Variants in CPNE4 observed in about 807,000 individuals in gnomAD.
CPNE4 encodes the protein copine 4, also known as copine-4.
CPNE4 carries 25 observed loss-of-function variants against 67.9 expected under a neutral mutation model. The observed-to-expected ratio is 0.37, with a 90% CI of 0.27 to 0.51. CPNE4 has a LOEUF of 0.51. Ranked by LOEUF, CPNE4 falls within the 20% of genes least tolerant of loss-of-function variation. The pLI is 0.93. For synonymous variants in CPNE4, 242 were observed against 244.9 expected (o/e 0.99, Z 0.11); for missense variants, 464 against 690.8 (o/e 0.67, Z 3.68).
intron 1 of CPNE4, among the ~76,000 whole-genome samples, chr3:131,974,844 C>A (rs1485024424): frequency 1.3e-5 from 2 of 151,994 alleles, no homozygotes; most frequent in African/African-American, 4.8e-5. Flanking sequence ...CCTGTCTCTA[C>A]AAACAGTACA....
chr3:131,639,942 T>G (rs2079497175), intron 7 of CPNE4, among the ~76,000 whole-genome samples: 1 of 152,180 alleles, frequency 6.6e-6, no homozygotes, highest in Non-Finnish European at 1.5e-5. Context: ...TAAAAAGCAT[T>G]TGACAAAATC....
At chr3:132,037,785 G>C (rs751558071), upstream of CPNE4, 16 of 567,190 alleles carry the variant, frequency 2.8e-5, no homozygotes, top group Non-Finnish European at 3.1e-6. Context: ...CCATCAGTGT[G>C]ACAAGTGAAA....
upstream of CPNE4, among the ~76,000 whole-genome samples, chr3:132,038,507 G>T (rs1356991678): frequency 1.3e-5 from 2 of 152,120 alleles, no homozygotes; most frequent in East Asian, 1.9e-4. Context: ...TTCTTTCTGA[G>T]ATTTTACATT....
intron 2 of CPNE4, among the ~76,000 whole-genome samples, chr3:131,815,760 A>T (rs1056833631): frequency 6.6e-6 from 1 of 152,112 alleles, no homozygotes; most frequent in Admixed American, 6.5e-5. Flanking sequence ...TTCTTTTTAT[A>T]CTGGGGAAAG....
chr3:131,987,120 G>A (rs1218263249), intron 1 of CPNE4, among the ~76,000 whole-genome samples: 1 of 152,100 alleles, frequency 6.6e-6, no homozygotes, highest in Non-Finnish European at 1.5e-5. Flanking sequence ...GTGATTTGTG[G>A]GTGATTTGTG....
At chr3:131,675,092 C>G (rs1397927287) in intron 6 of CPNE4, among the ~76,000 whole-genome samples, 1 of 152,010 alleles carries the variant, frequency 6.6e-6, no homozygotes, top group Non-Finnish European at 1.5e-5. Context: ...GAGCATATTG[C>G]TTGATTTCCA....
chr3:131,871,037 G>T (rs967011923), intron 2 of CPNE4, among the ~76,000 whole-genome samples: 1 of 152,114 alleles, frequency 6.6e-6, no homozygotes, highest in African/African-American at 2.4e-5. Flanking sequence ...CACTTTAGTA[G>T]TCCATGGAGA....
intron 7 of CPNE4, among the ~76,000 whole-genome samples, chr3:131,594,522 T>A (rs1427358750): frequency 6.6e-6 from 1 of 152,132 alleles, no homozygotes; most frequent in Non-Finnish European, 1.5e-5. Flanking sequence ...GACCTATACC[T>A]TATATCACAC....
chr3:131,972,311 G>T (rs2072525012), intron 1 of CPNE4, among the ~76,000 whole-genome samples: 1 of 152,064 alleles, frequency 6.6e-6, no homozygotes, highest in Non-Finnish European at 1.5e-5. Flanking sequence ...ATAGTTCTCT[G>T]CCCGATGAAT....
intron 3 of CPNE4, among the ~76,000 whole-genome samples, chr3:131,709,709 A>T (rs2081511289): frequency 6.6e-6 from 1 of 152,220 alleles, no homozygotes; most frequent in African/African-American, 2.4e-5. Context: ...TTAGCAGCAA[A>T]ATGAAGAAAT....
intron 2 of CPNE4, among the ~76,000 whole-genome samples, chr3:131,773,280 AAT>A (rs2107837372): frequency 6.6e-6 from 1 of 152,292 alleles, no homozygotes; most frequent in East Asian, 1.9e-4. Flanking sequence ...GTTTTATTTT[AAT>A]AAATGTACAA....
intron 1 of CPNE4, among the ~76,000 whole-genome samples, chr3:131,998,732 A>G (rs1399793980): frequency 4.6e-5 from 7 of 152,202 alleles, no homozygotes; most frequent in Non-Finnish European, 7.4e-5. Context: ...AAGATGGGTA[A>G]GGTTTTAGCC....
intron 1 of CPNE4, among the ~76,000 whole-genome samples, chr3:131,919,073 GC>G (rs1224606658): frequency 6.6e-6 from 1 of 152,140 alleles, no homozygotes; most frequent in Non-Finnish European, 1.5e-5. Flanking sequence ...CAGAGTTCCA[GC>G]TCTAGCCTGG....
intron 1 of CPNE4, among the ~76,000 whole-genome samples, chr3:132,021,950 A>G (rs1397202343): frequency 6.6e-6 from 1 of 152,178 alleles, no homozygotes; most frequent in African/African-American, 2.4e-5. Context: ...ACCAAGAACC[A>G]GGCCTCCCAA....
rs577675453 is a variant in CPNE4 at position 131,876,888 on chromosome 3, G to A, written c.180+28376C>T. On this transcript the variant is annotated intron_variant, in intron 2 of 15. Coordinates refer to ENST00000429747, the MANE Select transcript of CPNE4 (RefSeq NM_130808.3). ...GAAGATGCACCAGCACCAGCACAGG[G>A]AATTATCTATTTTTCCAAAACCATT... 3.5e-3 allele frequency among the ~76,000 whole-genome samples: 536 copies of A among 152,152 alleles called. 5 individuals carry two copies. The highest frequency in any genetic ancestry group is 0.012 in the African/African-American group (500 of 41,526).
At chr3:131,770,519 A>G (rs1379970009) in intron 2 of CPNE4, among the ~76,000 whole-genome samples, 1 of 152,212 alleles carries the variant, frequency 6.6e-6, no homozygotes, top group South Asian at 2.1e-4. Flanking sequence ...GCTAGCAACC[A>G]GGGGAGACAA....
intron 2 of CPNE4, among the ~76,000 whole-genome samples, chr3:131,858,908 T>G (rs1317178378): frequency 6.6e-6 from 1 of 152,118 alleles, no homozygotes; most frequent in Non-Finnish European, 1.5e-5. Flanking sequence ...GCAGTGCTTT[T>G]AGGAAGCTTT....
rs564381109 is a variant in CPNE4 at position 131,776,662 on chromosome 3, A to T, written c.181-53037T>A. 6.6e-5 allele frequency among the ~76,000 whole-genome samples: 10 copies of T among 152,292 alleles called. No homozygotes were observed. In the East Asian group the frequency reaches 1.7e-3, roughly 26 times the overall value. Reference sequence around the variant, plus strand: ...GGGAAAACACTGAACAAAACTGCTTAGATTGGAAACAATCAGCATCTCCAA... The same window carrying T: ...GGGAAAACACTGAACAAAACTGCTTTGATTGGAAACAATCAGCATCTCCAA... On this transcript the variant is annotated intron_variant, in intron 2 of 15. Transcript: ENST00000429747.
Position 131,990,796 on chromosome 3 carries a change from C to T in CPNE4, c.-2+43771G>A, listed in dbSNP as rs1433857006. Among the ~76,000 whole-genome samples the T allele has an allele frequency of 1.5e-5, 2 of 135,580 alleles. 1 individual carries two copies. Among genetic ancestry groups the T allele is most frequent in the Non-Finnish European group, 3.3e-5 (2 of 59,738 alleles). The allele number at this position is 135,580 out of a possible 152,430, so 88.9% of individuals were successfully genotyped here. ...CATATGGCTTGGCTGTGTCCCCACC[C>T]AAATCTCATCTTGAATTATAATTCC... On this transcript the variant is annotated intron_variant, in intron 1 of 15. Transcript: ENST00000429747.
Sources: allele counts gnomAD v4.1 joint callset (sites outside exome capture counted in the v4.1 genomes callset), GRCh38; gene constraint gnomAD v4.1.1; transcripts MANE v1.5; gene names NCBI Gene and HGNC (gene_info 2026-07-23, HGNC 2026-07-21).